The following NASP variants were observed in gnomAD, a reference collection of about 807,000 sequenced individuals.
NASP encodes NASP histone chaperone.
NASP carries 24 observed loss-of-function variants against 89.5 expected under a neutral mutation model. The observed-to-expected ratio is 0.27, with a 90% CI of 0.19 to 0.38. NASP has a LOEUF of 0.38. NASP is among the 10% of genes least tolerant of loss of function. The pLI is 1.00. For missense variants in NASP, 848 were observed against 921.4 expected (o/e 0.92, Z 1.03); for synonymous variants, 306 against 324.7 (o/e 0.94, Z 0.62).
At chr1:45,612,541 A>G (rs1442671818) in intron 6 of NASP, 1 of 152,182 alleles carries the variant, frequency 6.6e-6, no homozygotes, top group African/African-American at 2.4e-5. Context: ...ATGGCTGCAG[A>G]TTTTAGAGGT....
intron 6 of NASP, chr1:45,612,311 T>C (rs947900882): frequency 6.6e-6 from 1 of 152,196 alleles, no homozygotes; most frequent in African/African-American, 2.4e-5. Context: ...TTGGAGATAG[T>C]GTTTGAGCTT....
chr1:45,586,150 T>C (rs1187866330), intron 1 of NASP, among the ~76,000 whole-genome samples: 1 of 120,852 alleles, frequency 8.3e-6, no homozygotes, highest in Non-Finnish European at 1.7e-5. Context: ...TTATATGTGC[T>C]GGGTGTGTGG....
rs1437374948 is a variant in NASP at position 45,615,352 on chromosome 1, T to C, written c.1903T>C (p.Tyr635His). The change falls in exon 11 of 15, where the codon TAC becomes CAC. Residue 635 changes from tyrosine to histidine, a missense_variant. Physicochemically the swap from Tyr to His is moderately conservative, Grantham distance 83. Transcript: ENST00000350030. ...GGAGGCTGAAGGATCGTCTGCTGAA[T>C]ACAAGAAAGAAATTGAGGAACTAAA... is the stretch of plus-strand genomic sequence containing the variant. Reference protein sequence around the residue: ...VKEAEGSSAEYKKEIEELKEL... With the variant: ...VKEAEGSSAEHKKEIEELKEL... The C allele has an allele frequency of 1.2e-6, 2 of 1,614,012 alleles. No individual in the cohort carries two copies. The highest frequency in any genetic ancestry group is 2.7e-5 in the African/African-American group (2 of 74,908).
Position 45,616,721 on chromosome 1 carries a change from GTT to G in NASP, c.2157+20_2157+21del, listed in dbSNP as rs1644111953. 1 of 1,603,014 alleles carries G rather than the reference GTT, an allele frequency of 6.2e-7. No homozygotes were observed. Among genetic ancestry groups the G allele is most frequent in the Non-Finnish European group, 8.5e-7 (1 of 1,169,918 alleles). ...GAAAGAAGGTAAGTCTACATGTGGTGTTTCTTTTCTACCGTTTCCTCAGACTC... is the reference window on the plus strand; with the variant it reads ...GAAAGAAGGTAAGTCTACATGTGGTGTCTTTTCTACCGTTTCCTCAGACTC... On this transcript the variant is annotated intron_variant, in intron 13 of 14. Transcript: ENST00000350030.
At chr1:45,586,255 TGTGTGTGTGTGTGTGTGTGTGTGTGTGTG>T (rs1321207691) in intron 1 of NASP, among the ~76,000 whole-genome samples, 88 of 49,254 alleles carry the variant, frequency 1.8e-3, no homozygotes, top group African/African-American at 5.6e-3. Flanking sequence ...TGTGTGTGTG[TGTGTGTGTGTGTGTGTGTGTGTGTGTGTG>T]GTGTGTGTGT....
At chr1:45,594,323 C>CAA (rs34229497) in intron 2 of NASP, among the ~76,000 whole-genome samples, 21 of 129,592 alleles carry the variant, frequency 1.6e-4, no homozygotes, top group Non-Finnish European at 2.7e-4. Flanking sequence ...GCGAAACTCT[C>CAA]AAAAAAAAAA....
At chr1:45,613,090 G>T in intron 6 of NASP, 79 bp from the exon 7 acceptor site, 8 of 1,510,552 alleles carry the variant, frequency 5.3e-6, no homozygotes, top group Non-Finnish European at 7.1e-6. Flanking sequence ...AATATAGGTT[G>T]AGACGTGTAT....
At chr1:45,603,027 TTTTTTCATACATTTTTAGCACA>T (rs1412073251) in intron 3 of NASP, among the ~76,000 whole-genome samples, 1 of 152,206 alleles carries the variant, frequency 6.6e-6, no homozygotes, top group Non-Finnish European at 1.5e-5. Flanking sequence ...TAGCACAGCA[TTTTTTCATACATTTTTAGCACA>T]TTTTTCATAC....
chr1:45,599,964 T>C (rs1483124156), intron 2 of NASP, among the ~76,000 whole-genome samples: 1 of 149,148 alleles, frequency 6.7e-6, no homozygotes, highest in Non-Finnish European at 1.5e-5. Flanking sequence ...TTTTTTTTTT[T>C]TTTTTTTTTT....
intron 1 of NASP, among the ~76,000 whole-genome samples, chr1:45,585,408 T>C (rs762112894): frequency 3.3e-5 from 5 of 152,212 alleles, no homozygotes; most frequent in Non-Finnish European, 4.4e-5. Flanking sequence ...GATTTACGTA[T>C]ATCTCTGCTT....
rs1413426915 is a variant in NASP at position 45,595,127 on chromosome 1, TTTTGTGTG to T, written c.107+3859_107+3866del. Reference sequence around the variant, plus strand: ...TCCTGCCTCAGCCTGCCAGACTAAGTTTTGTGTGTGTGTGTGTGTGTGTGTGTGTGTGT... The same window carrying T: ...TCCTGCCTCAGCCTGCCAGACTAAGTTGTGTGTGTGTGTGTGTGTGTGTGT... On this transcript the variant is annotated intron_variant, in intron 2 of 14. Transcript: ENST00000350030. Among the ~76,000 whole-genome samples, 33 of 129,528 alleles carry T rather than the reference TTTTGTGTG, an allele frequency of 2.5e-4. No homozygotes were observed. The East Asian group carries it at 3.9e-3, about 15-fold the overall frequency. The allele number at this position is 129,528 out of a possible 152,430, so 85.0% of individuals were successfully genotyped here.
At chr1:45,585,207 A>T (rs1187918706) in intron 1 of NASP, among the ~76,000 whole-genome samples, 1 of 152,220 alleles carries the variant, frequency 6.6e-6, no homozygotes. Context: ...TGTTTCCCAT[A>T]CAGTAGGTCT....
chr1:45,586,186 C>G (rs1055230518), intron 1 of NASP, among the ~76,000 whole-genome samples: 8 of 151,614 alleles, frequency 5.3e-5, no homozygotes, highest in Non-Finnish European at 8.8e-5. Flanking sequence ...GTCTCTGTCA[C>G]CCAGGTTGGA....
chr1:45,607,655 T>G lies in NASP; in HGVS notation c.744T>G (p.Thr248=). ...AGGAAGAAAAATCAGTTTCTGGAAC[T>G]GATGTCCAAGAAGAGTGCAGAGAAA... is the stretch of plus-strand genomic sequence containing the variant. ...DAEEEKSVSG[T]DVQEECREKG... is the part of the protein sequence containing the mutation. The change falls in exon 6 of 15, where the codon ACT becomes ACG. Residue 248 remains threonine, a synonymous_variant. Coordinates refer to ENST00000350030, the MANE Select transcript of NASP (RefSeq NM_002482.4). 1.9e-6 allele frequency: 3 copies of G among 1,614,148 alleles called. No homozygotes were observed. The highest frequency in any genetic ancestry group is 2.5e-6 in the Non-Finnish European group (3 of 1,180,036).
In NASP at chr1:45,616,377, G is replaced by C. The variant is rs1488446011; in HGVS notation, c.2063G>C (p.Gly688Ala). 6.2e-7 allele frequency: 1 copy of C among 1,614,070 alleles called. No homozygotes were observed. Among genetic ancestry groups the C allele is most frequent in the South Asian group, 1.1e-5 (1 of 91,080 alleles). Reference sequence around the variant, plus strand: ...TCAGGTTTCACTCCTGGTGGAGGAGGCTCTTCAGTCTCCATGGTGCGTATT... The same window carrying C: ...TCAGGTTTCACTCCTGGTGGAGGAGCCTCTTCAGTCTCCATGGTGCGTATT... Reference protein sequence around the residue: ...STSGFTPGGGGSSVSMIASRK... With the variant: ...STSGFTPGGGASSVSMIASRK... The change falls in exon 12 of 15, where the codon GGC becomes GCC. Residue 688 changes from glycine to alanine, a missense_variant. Around this residue, in one of 5 missense-constraint regions of NASP, gnomAD observed 218 missense variants for 219.6 expected, o/e 0.99. Transcript: ENST00000350030.
At chr1:45,589,051 A>T (rs1028314722) in intron 1 of NASP, 2 of 157,580 alleles carry the variant, frequency 1.3e-5, no homozygotes, top group African/African-American at 4.8e-5. Context: ...CTAAGATTCT[A>T]TGTATATTTG....
chr1:45,606,796 C>A, intron 5 of NASP: 1 of 434,138 alleles, frequency 2.3e-6, no homozygotes, highest in Non-Finnish European at 4.1e-6. Context: ...CTTATTTTCT[C>A]AAGTAAATCC....
rs1384554965 is a variant in NASP at position 45,598,369 on chromosome 1, C to T, written c.108-3886C>T. 2.6e-5 allele frequency among the ~76,000 whole-genome samples: 4 copies of T among 152,140 alleles called. No homozygotes were observed. The East Asian group carries it at 7.7e-4, about 29-fold the overall frequency. Reference sequence around the variant, plus strand: ...ATTTTTAGTAGAGACGGGGTTTCGCCATGTTGGCCAGTCACTGTGCCTGGA... The same window carrying T: ...ATTTTTAGTAGAGACGGGGTTTCGCTATGTTGGCCAGTCACTGTGCCTGGA... On this transcript the variant is annotated intron_variant, in intron 2 of 14. Transcript: ENST00000350030.
intron 6 of NASP, chr1:45,609,983 A>G (rs1643975420): frequency 6.6e-6 from 1 of 152,202 alleles, no homozygotes; most frequent in Non-Finnish European, 1.5e-5. Flanking sequence ...GGCAGATCAC[A>G]TGGTCAGAAG....
Sources: allele counts gnomAD v4.1 joint callset (sites outside exome capture counted in the v4.1 genomes callset), GRCh38; gene constraint gnomAD v4.1.1; regional missense constraint gnomAD v4.1.1; transcripts MANE v1.5; gene names NCBI Gene and HGNC (gene_info 2026-07-23, HGNC 2026-07-21).